The following HTRA3 variants were observed in gnomAD, a reference collection of about 807,000 sequenced individuals.
HTRA3 encodes the protein serine protease HTRA3.
Under a neutral mutation model 43.2 loss-of-function variants are expected in HTRA3, and 41 were observed. The ratio of observed to expected loss-of-function variants is 0.95; its 90% CI spans 0.74 to 1.23. The LOEUF (loss-of-function observed/expected upper bound fraction) is 1.23, where lower values mean the gene tolerates loss of function less well. HTRA3 is among the 50% of genes most tolerant of loss of function. The pLI, the probability that HTRA3 is intolerant of heterozygous loss-of-function variation, is 0.00. For synonymous variants in HTRA3, 295 were observed against 287.9 expected, an observed-to-expected ratio of 1.02 and a Z score of -0.25; for missense variants, 628 against 647.1, an observed-to-expected ratio of 0.97 and a Z score of 0.32.
At position 8,297,891 on chromosome 4, in the gene HTRA3, CT is replaced by C. The variant is rs927150980; in HGVS notation, c.1051+3691del. On this transcript the variant is annotated intron_variant, in intron 6 of 8. Coordinates refer to ENST00000307358, the MANE Select transcript of HTRA3 (RefSeq NM_053044.5). The surrounding 1 kb of genome is among the most constrained non-coding windows in gnomAD (Gnocchi z 5.8). ...ACTAAGAGCACCTGTCAAGACCCCC[CT>C]GCTCCTGCAGCCCCACCTGCCGTCC... 6.6e-6 allele frequency among the ~76,000 whole-genome samples: 1 copy of C among 152,212 alleles called. No homozygotes were observed. Among genetic ancestry groups the C allele is most frequent in the Non-Finnish European group, 1.5e-5 (1 of 68,026 alleles).
chr4:8,299,742 T>A (rs1229117805), intron 6 of HTRA3, among the ~76,000 whole-genome samples: 1 of 152,186 alleles, frequency 6.6e-6, no homozygotes, highest in Non-Finnish European at 1.5e-5. Flanking sequence ...CTTTCTAGTC[T>A]GTTAATGTGG....
intron 7 of HTRA3, among the ~76,000 whole-genome samples, chr4:8,303,683 ATCTG>A (rs1445624186): frequency 6.6e-6 from 1 of 151,994 alleles, no homozygotes; most frequent in East Asian, 1.9e-4. Context: ...TGTCTCTTTT[ATCTG>A]TCTGTCCATC....
At chr4:8,301,464 T>G (rs1713654165) in intron 6 of HTRA3, among the ~76,000 whole-genome samples, 2 of 151,702 alleles carry the variant, frequency 1.3e-5, no homozygotes, top group Non-Finnish European at 2.9e-5. Flanking sequence ...ACTCTCAGCT[T>G]TATTATTGAG....
intron 8 of HTRA3, among the ~76,000 whole-genome samples, chr4:8,304,897 G>A (rs1227586471): frequency 6.6e-6 from 1 of 152,074 alleles, no homozygotes; most frequent in Non-Finnish European, 1.5e-5. Context: ...GACCTCAGGC[G>A]ATCCACCTGC....
In HTRA3 at chr4:8,305,956, C is replaced by G. The variant is rs1193654324; in HGVS notation, c.1197-15C>G. On this transcript the variant is annotated splice_polypyrimidine_tract_variant and intron_variant, in intron 8 of 8. Coordinates refer to ENST00000307358, the MANE Select transcript of HTRA3 (RefSeq NM_053044.5). Reference sequence around the variant, plus strand: ...GGGAGGCGGTGGGTGGTGACCCCGTCTCTCCTGTTGGCAGAGGCGGCATCC... The same window carrying G: ...GGGAGGCGGTGGGTGGTGACCCCGTGTCTCCTGTTGGCAGAGGCGGCATCC... 6.2e-7 allele frequency: 1 copy of G among 1,610,650 alleles called. No homozygotes were observed. Among genetic ancestry groups the G allele is most frequent in the African/African-American group, 1.3e-5 (1 of 74,098 alleles).
rs1713422333 is a variant in HTRA3 at position 8,295,477 on chromosome 4, C to T, written c.1051+1276C>T. Among the ~76,000 whole-genome samples the T allele has an allele frequency of 6.6e-6, 1 of 152,256 alleles. No individual in the cohort carries two copies. Among genetic ancestry groups the T allele is most frequent in the South Asian group, 2.1e-4 (1 of 4,834 alleles). On this transcript the variant is annotated intron_variant, in intron 6 of 8. Transcript: ENST00000307358. The surrounding 1 kb of genome is among the most constrained non-coding windows in gnomAD (Gnocchi z 6.9). ...CAACTCTCCCAAGTGAGAGCATGCC[C>T]ATTGCCTCCTTAAGTGGGCAGTCGC...
At position 8,275,244 on chromosome 4, in the gene HTRA3, G is replaced by A. The variant is rs188353487; in HGVS notation, c.385+4891G>A. On this transcript the variant is annotated intron_variant, in intron 1 of 8. Coordinates refer to ENST00000307358, the MANE Select transcript of HTRA3 (RefSeq NM_053044.5). ...TAGCAAATGCACCCTCACCCCATCT[G>A]CCATCCTGTGGTCTTCCCCCGACAG... Among the ~76,000 whole-genome samples, 4 of 152,326 alleles carry A rather than the reference G, an allele frequency of 2.6e-5. No individual in the cohort carries two copies. In the South Asian group the frequency reaches 6.2e-4, roughly 24 times the overall value.
chr4:8,277,698 C>A (rs1393888564), intron 1 of HTRA3, among the ~76,000 whole-genome samples: 1 of 152,208 alleles, frequency 6.6e-6, no homozygotes, highest in African/African-American at 2.4e-5. Context: ...GCACGTGAGG[C>A]TGCAGATGTC....
Position 8,286,595 on chromosome 4 carries a change from A to G in HTRA3, c.520A>G (p.Ser174Gly), listed in dbSNP as rs763803587. 1 of 1,613,972 alleles carries G rather than the reference A, an allele frequency of 6.2e-7. No individual in the cohort carries two copies. Among genetic ancestry groups the G allele is most frequent in the African/African-American group, 1.3e-5 (1 of 74,966 alleles). ...GTTTGGCCGCAACGTGCCCCTGTCC[A>G]GCGGTTCTGGCTTCATCATGTCAGA... is the stretch of plus-strand genomic sequence containing the variant. Reference protein sequence around the residue: ...PLFGRNVPLSSGSGFIMSEAG... With the variant: ...PLFGRNVPLSGGSGFIMSEAG... The change falls in exon 3 of 9, where the codon AGC (serine) becomes GGC (glycine). Residue 174 changes from serine to glycine, a missense_variant. Ser to Gly is a moderately conservative substitution (Grantham distance 56). Transcript: ENST00000307358. The surrounding 1 kb of genome is among the most constrained non-coding windows in gnomAD (Gnocchi z 4.9).
intron 1 of HTRA3, among the ~76,000 whole-genome samples, chr4:8,277,489 G>C (rs574916479): frequency 1.3e-5 from 2 of 152,340 alleles, no homozygotes; most frequent in South Asian, 4.1e-4. Context: ...AGGTGCTGTT[G>C]GGCCCAGAAG....
At position 8,286,746 on chromosome 4, in the gene HTRA3, A is replaced by G. The variant is rs1210071974; in HGVS notation, c.671A>G (p.Lys224Arg). 1 of 1,614,014 alleles carries G rather than the reference A, an allele frequency of 6.2e-7. No homozygotes were observed. Among genetic ancestry groups the G allele is most frequent in the African/African-American group, 1.3e-5 (1 of 74,944 alleles). The change falls in exon 3 of 9, where the codon AAG becomes AGG. Residue 224 changes from lysine (K) to arginine (R), a missense_variant. By Grantham distance (26) the Lys-to-Arg change is conservative. Coordinates refer to ENST00000307358, the MANE Select transcript of HTRA3 (RefSeq NM_053044.5). The surrounding 1 kb of genome is among the most constrained non-coding windows in gnomAD (Gnocchi z 4.9). ...SYEATIKDID[K>R]KSDIATIKIH... The stretch of plus-strand genomic sequence containing the variant: ...GAGGCCACCATCAAAGACATCGACA[A>G]GAAGTCGGACATTGCCACCATCAAG...
In HTRA3 at chr4:8,279,714, G is replaced by A. The variant is rs557123394; in HGVS notation, c.386-2723G>A. ...CACTGGGCCCAGGTCCCTGTGTGCC[G>A]TGGCTGCCTGCACAGGCAATGCGGG... is the stretch of plus-strand genomic sequence containing the variant. On this transcript the variant is annotated intron_variant, in intron 1 of 8. Coordinates refer to ENST00000307358, the MANE Select transcript of HTRA3 (RefSeq NM_053044.5). The surrounding 1 kb of genome is among the most constrained non-coding windows in gnomAD (Gnocchi z 7.4). Among the ~76,000 whole-genome samples the A allele has an allele frequency of 1.9e-4, 29 of 152,240 alleles. No individual in the cohort carries two copies. The South Asian group carries it at 4.1e-3, about 22-fold the overall frequency.
chr4:8,285,083 C>T (rs1712902578), intron 2 of HTRA3, among the ~76,000 whole-genome samples: 1 of 152,116 alleles, frequency 6.6e-6, no homozygotes. Context: ...CCCTTAGACC[C>T]CTCTCTCTGC....
chr4:8,284,656 G>A (rs949194367), intron 2 of HTRA3, among the ~76,000 whole-genome samples: 18 of 152,334 alleles, frequency 1.2e-4, no homozygotes, highest in Middle Eastern at 3.4e-3. Context: ...GGGCACACAC[G>A]GAGTGGGTGT....
Position 8,296,238 on chromosome 4 carries a change from G to C in HTRA3, c.1051+2037G>C. 1.0e-6 allele frequency: 1 copy of C among 985,664 alleles called. No homozygotes were observed. The highest frequency in any genetic ancestry group is 1.2e-6 in the Non-Finnish European group (1 of 830,142). 61.1% of individuals were successfully genotyped at this position (985,664 alleles called of 1,614,324 possible). A position where few individuals can be genotyped will look rare whatever the true frequency, so the allele number is the denominator to read the frequency against. Reference sequence around the variant, plus strand: ...GAGACAGGATCCCCCTGGGGCCTAGGTTTGCTCCTTTGTTGTACAGGGGCT... The same window carrying C: ...GAGACAGGATCCCCCTGGGGCCTAGCTTTGCTCCTTTGTTGTACAGGGGCT... On this transcript the variant is annotated intron_variant, in intron 6 of 8. Transcript: ENST00000307358. The surrounding 1 kb of genome is among the most constrained non-coding windows in gnomAD (Gnocchi z 5.3).
intron 1 of HTRA3, among the ~76,000 whole-genome samples, chr4:8,271,698 G>T (rs1032583244): frequency 1.3e-5 from 2 of 152,148 alleles, no homozygotes; most frequent in Admixed American, 6.5e-5. Context: ...GGAGGAAGCT[G>T]CGTCTTCACA....
In HTRA3 at chr4:8,279,990, C is replaced by G. The variant is rs1039754681; in HGVS notation, c.386-2447C>G. Among the ~76,000 whole-genome samples, 4 of 152,144 alleles carry G rather than the reference C, an allele frequency of 2.6e-5. No individual in the cohort carries two copies. Among genetic ancestry groups the G allele is most frequent in the African/African-American group, 4.8e-5 (2 of 41,426 alleles). ...GTGGCTTGAATAAGGCTGTGAGCAG[C>G]GGCAGATTCGGTACAACTGGGGCTG... On this transcript the variant is annotated intron_variant, in intron 1 of 8. Transcript: ENST00000307358. The surrounding 1 kb of genome is among the most constrained non-coding windows in gnomAD (Gnocchi z 7.4).
chr4:8,281,551 C>T (rs1029600490), intron 1 of HTRA3, among the ~76,000 whole-genome samples: 1 of 152,226 alleles, frequency 6.6e-6, no homozygotes, highest in South Asian at 2.1e-4. Flanking sequence ...CAGGCCCAGC[C>T]GAACCCCTGG....
intron 3 of HTRA3, among the ~76,000 whole-genome samples, chr4:8,288,282 C>CT (rs993148226): frequency 6.6e-6 from 1 of 151,960 alleles, no homozygotes; most frequent in East Asian, 1.9e-4. Context: ...ATTTTCTTTT[C>CT]TTTTTTTTGA....
Sources: allele counts gnomAD v4.1 joint callset (sites outside exome capture counted in the v4.1 genomes callset), GRCh38; gene constraint gnomAD v4.1.1; non-coding constraint Gnocchi (gnomAD v3.1); transcripts MANE v1.5; gene names NCBI Gene and HGNC (gene_info 2026-07-23, HGNC 2026-07-21).